Variants in NIPAL3 observed in about 807,000 individuals in gnomAD.
NIPAL3 encodes NIPA like domain containing 3.
In NIPAL3, 41 loss-of-function variants were observed where a neutral mutation model predicts 47.2. The ratio of observed to expected loss-of-function variants is 0.87; its 90% CI spans 0.68 to 1.13. The LOEUF (loss-of-function observed/expected upper bound fraction) is 1.13. NIPAL3 is among the 50% of genes most tolerant of loss of function. NIPAL3 has a pLI of 0.00. For synonymous variants in NIPAL3, 194 were observed against 209.6 expected (o/e 0.93, Z 0.64); for missense variants, 449 against 530.1 (o/e 0.85, Z 1.50).
chr1:24,460,615 C>A, intron 10 of NIPAL3, 71 bp downstream of exon 10: 1 of 1,296,210 alleles, frequency 7.7e-7, no homozygotes, highest in Admixed American at 2.8e-5. Flanking sequence ...CCCTCTCTCT[C>A]CCTTATTGCT....
At chr1:24,461,024 A>G (rs1207336166) in intron 10 of NIPAL3, among the ~76,000 whole-genome samples, 1 of 152,246 alleles carries the variant, frequency 6.6e-6, no homozygotes, top group Non-Finnish European at 1.5e-5. Context: ...ATCTTGGAAA[A>G]ATGCTTCAAC....
chr1:24,440,603 G>A (rs1358209281), intron 3 of NIPAL3, among the ~76,000 whole-genome samples: 1 of 152,120 alleles, frequency 6.6e-6, no homozygotes, highest in Non-Finnish European at 1.5e-5. Context: ...AAAGCCTCAG[G>A]GATGCCCTCT....
Position 24,460,512 on chromosome 1 carries a change from G to A in NIPAL3, c.894G>A (p.Glu298=), listed in dbSNP as rs1160619659. Residue 298 remains glutamate, a synonymous_variant, in exon 10 of 12, where the codon GAG becomes GAA. Coordinates refer to ENST00000374399, the MANE Select transcript of NIPAL3 (RefSeq NM_020448.5). The part of the protein sequence containing the change: ...GAIFYLDFIG[E]DVLHICMFAL... ...TATTTTACCTGGACTTCATCGGGGA[G>A]GACGTGCTGCACATCTGCATGTTTG... 4 of 1,585,748 alleles carry A rather than the reference G, an allele frequency of 2.5e-6. No individual in the cohort carries two copies. The highest frequency in any genetic ancestry group is 1.4e-5 in the African/African-American group (1 of 72,888).
intron 2 of NIPAL3, among the ~76,000 whole-genome samples, chr1:24,437,067 C>G (rs1309237875): frequency 6.6e-6 from 1 of 151,896 alleles, no homozygotes; most frequent in Non-Finnish European, 1.5e-5. Flanking sequence ...CTGGATAACA[C>G]GGTGAAACCC....
rs1644212629 is a variant in NIPAL3, at chr1:24,419,484, G to C, written c.-64G>C. The stretch of plus-strand genomic sequence containing the variant: ...ACAAGGAGAGATGGCATCTGGCCTG[G>C]GCCCCGCCTAGCAGCAGCTCCACCT... On this transcript the variant is annotated 5_prime_UTR_variant, in exon 2 of 12. Transcript: ENST00000374399. The C allele has an allele frequency of 6.7e-7, 1 of 1,494,476 alleles. No homozygotes were observed. The allele number at this position is 1,494,476 out of a possible 1,614,324, so 92.6% of individuals were successfully genotyped here.
At chr1:24,434,041 G>GA (rs1170096110) in intron 2 of NIPAL3, among the ~76,000 whole-genome samples, 1 of 151,694 alleles carries the variant, frequency 6.6e-6, no homozygotes. Flanking sequence ...AGGAATTGAG[G>GA]AAAAAAAGAG....
chr1:24,467,229 C>T (rs975568261), intron 11 of NIPAL3, among the ~76,000 whole-genome samples: 2 of 151,702 alleles, frequency 1.3e-5, no homozygotes, highest in African/African-American at 4.8e-5. Context: ...TTTGGGAGGC[C>T]GAGGCGGGCA....
chr1:24,421,737 G>A (rs1415185667), intron 2 of NIPAL3: 1 of 152,182 alleles, frequency 6.6e-6, no homozygotes, highest in African/African-American at 2.4e-5. Context: ...TTCATGTGAA[G>A]CCCTTAGGCA....
intron 2 of NIPAL3, among the ~76,000 whole-genome samples, chr1:24,437,725 C>T (rs1414971661): frequency 6.6e-6 from 1 of 152,048 alleles, no homozygotes; most frequent in African/African-American, 2.4e-5. Flanking sequence ...ATCTGGATCC[C>T]AGAGAAAGAG....
intron 1 of NIPAL3, 114 bp from the exon 2 acceptor site, chr1:24,419,177 C>T (rs1020668020): frequency 1.5e-5 from 6 of 402,280 alleles, no homozygotes; most frequent in African/African-American, 6.5e-5. Context: ...TTAATGGACT[C>T]ACTTGTCATG....
rs185468559 is a variant in NIPAL3, at chr1:24,469,198, T to C, written c.*13T>C. On this transcript the variant is annotated 3_prime_UTR_variant, in exon 12 of 12. Coordinates refer to ENST00000374399, the MANE Select transcript of NIPAL3 (RefSeq NM_020448.5). ...CAAGAAGGAATGAGACTCGCCTCCCTCTATTTATAACTGTCCCCTCCAGGC... is the reference window on the plus strand; with the variant it reads ...CAAGAAGGAATGAGACTCGCCTCCCCCTATTTATAACTGTCCCCTCCAGGC... 1.2e-6 allele frequency: 2 copies of C among 1,610,224 alleles called. No homozygotes were observed. Among genetic ancestry groups the C allele is most frequent in the Admixed American group, 1.7e-5 (1 of 59,838 alleles).
chr1:24,446,064 A>T (rs1403173929), intron 5 of NIPAL3, among the ~76,000 whole-genome samples: 1 of 72,720 alleles, frequency 1.4e-5, no homozygotes, highest in South Asian at 5.3e-4. Context: ...CACAGAGATT[A>T]TAGTCGTGTG....
chr1:24,459,736 C>T (rs1022684245), intron 9 of NIPAL3, among the ~76,000 whole-genome samples: 1 of 152,364 alleles, frequency 6.6e-6, no homozygotes, highest in African/African-American at 2.4e-5. Flanking sequence ...GGCCATGAGG[C>T]ATTGACCCAG....
chr1:24,422,761 C>G (rs934526195), intron 2 of NIPAL3, among the ~76,000 whole-genome samples: 1 of 152,202 alleles, frequency 6.6e-6, no homozygotes, highest in Non-Finnish European at 1.5e-5. Context: ...GCAAAACACT[C>G]TTCTCAAGTA....
Position 24,458,930 on chromosome 1 carries a change from T to C in NIPAL3, c.816T>C (p.Ile272=), listed in dbSNP as rs1393275694. The change falls in exon 9 of 12, where the codon ATT becomes ATC. Residue 272 remains isoleucine, a synonymous_variant. Transcript: ENST00000374399. ...CACAGATGTACGACTCCTCTTTGAT[T>C]GCCAGTGTGGGCTACATTCTGTCCA... The part of the protein sequence containing the change: ...QASQMYDSSL[I]ASVGYILSTT... 1.2e-6 allele frequency: 2 copies of C among 1,614,136 alleles called. No homozygotes were observed. The highest frequency in any genetic ancestry group is 1.7e-6 in the Non-Finnish European group (2 of 1,179,978).
intron 1 of NIPAL3, among the ~76,000 whole-genome samples, chr1:24,418,690 G>A (rs1457773570): frequency 6.6e-6 from 1 of 152,072 alleles, no homozygotes; most frequent in East Asian, 1.9e-4. Flanking sequence ...GGGTTTATTT[G>A]AGGCCACATT....
rs1319164083 is a variant in NIPAL3 at position 24,458,958 on chromosome 1, A to G, written c.844A>G (p.Thr282Ala). 24 of 1,613,806 alleles carry G rather than the reference A, an allele frequency of 1.5e-5. No individual in the cohort carries two copies. Among genetic ancestry groups the G allele is most frequent in the Non-Finnish European group, 1.9e-5 (22 of 1,179,840 alleles). ...CAGTGTGGGCTACATTCTGTCCACA[A>G]CCATTGCTATCACAGCAGGTAAGGG... ...IASVGYILST[T>A]IAITAGAIFY... The change falls in exon 9 of 12, where the codon ACC becomes GCC. Residue 282 changes from threonine to alanine, a missense_variant. Transcript: ENST00000374399.
intron 2 of NIPAL3, among the ~76,000 whole-genome samples, chr1:24,430,916 G>A (rs935810560): frequency 2.0e-5 from 3 of 152,138 alleles, no homozygotes; most frequent in Admixed American, 1.3e-4. Context: ...ATAAGTATTT[G>A]TACATATAGT....
At chr1:24,425,179 A>T (rs978930293) in intron 2 of NIPAL3, among the ~76,000 whole-genome samples, 1 of 152,184 alleles carries the variant, frequency 6.6e-6, no homozygotes, top group Non-Finnish European at 1.5e-5. Flanking sequence ...TCATCTGAGC[A>T]CCTACTCTCT....
Sources: allele counts gnomAD v4.1 joint callset (sites outside exome capture counted in the v4.1 genomes callset), GRCh38; gene constraint gnomAD v4.1.1; transcripts MANE v1.5; gene names NCBI Gene and HGNC (gene_info 2026-07-23, HGNC 2026-07-21).